Variants in ZBTB49 observed in about 807,000 individuals in gnomAD.
The protein encoded by ZBTB49 is zinc finger and BTB domain-containing protein 49.
A neutral mutation model predicts 57.5 loss-of-function variants in ZBTB49; 43 were observed. The observed-to-expected ratio is 0.75, with a 90% CI of 0.59 to 0.97. The LOEUF (loss-of-function observed/expected upper bound fraction) is 0.97. Among genes scored for constraint, ZBTB49 ranks in the 50% least tolerant of loss-of-function variants. The probability of loss-of-function intolerance (pLI) is 0.00; values close to 1 mark genes in which losing one functional copy is unlikely to be tolerated. For synonymous variants in ZBTB49, 369 were observed against 362.1 expected (o/e 1.02, Z -0.22); for missense variants, 938 against 947.7 (o/e 0.99, Z 0.13).
chr4:4,302,447 A>G lies in ZBTB49; in HGVS notation c.611A>G (p.Glu204Gly). 9 of 1,614,238 alleles carry G rather than the reference A, an allele frequency of 5.6e-6. No homozygotes were observed. Among genetic ancestry groups the G allele is most frequent in the Non-Finnish European group, 7.6e-6 (9 of 1,180,040 alleles). ...GATACTTCAGATGGCAGCTGCACAG[A>G]ACTGCCTTTCAAACAGCCAAATTAC... ...APDTSDGSCT[E>G]LPFKQPNYYY... The change falls in exon 3 of 8, where the codon GAA (glutamate) becomes GGA (glycine). Residue 204 changes from glutamate (E) to glycine (G), a missense_variant. By Grantham distance (98) the Glu-to-Gly change is moderately conservative. Coordinates refer to ENST00000337872, the MANE Select transcript of ZBTB49 (RefSeq NM_145291.4).
rs191051121 is a variant in ZBTB49, at chr4:4,309,997, A to G, written c.1303-3044A>G. On this transcript the variant is annotated intron_variant, in intron 4 of 7. Transcript: ENST00000337872. ...AATATCTGGGATCTCTTTTATCTCT[A>G]AATGATTACGATTCCTGACTTTTTT... 8.5e-5 allele frequency among the ~76,000 whole-genome samples: 13 copies of G among 152,334 alleles called. No individual in the cohort carries two copies. In the East Asian group the frequency reaches 1.5e-3, roughly 18 times the overall value.
At position 4,320,357 on chromosome 4, in the gene ZBTB49, CT is replaced by C. The variant is rs1721355427; in HGVS notation, c.1622-282del. Among the ~76,000 whole-genome samples, 5 of 152,262 alleles carry C rather than the reference CT, an allele frequency of 3.3e-5. No individual in the cohort carries two copies. The South Asian group carries it at 1.0e-3, about 32-fold the overall frequency. On this transcript the variant is annotated intron_variant, in intron 7 of 7. Transcript: ENST00000337872. ...TGAGCAGAAGCTGTGAGGTGACCCCCTCTCCTCAGATCAGGGTTGTTCAGTG... is the reference window on the plus strand; with the variant it reads ...TGAGCAGAAGCTGTGAGGTGACCCCCCTCCTCAGATCAGGGTTGTTCAGTG...
At chr4:4,311,749 G>A (rs1356871269) in intron 4 of ZBTB49, among the ~76,000 whole-genome samples, 1 of 152,142 alleles carries the variant, frequency 6.6e-6, no homozygotes, top group African/African-American at 2.4e-5. Context: ...GTTATTAGGA[G>A]CCATTCTATT....
intron 7 of ZBTB49, among the ~76,000 whole-genome samples, chr4:4,317,933 C>T (rs1041767744): frequency 2.0e-5 from 3 of 152,274 alleles, no homozygotes; most frequent in South Asian, 2.1e-4. Flanking sequence ...AGGGAGGCTT[C>T]GTTGGGGTTT....
At chr4:4,310,421 T>A (rs559929235) in intron 4 of ZBTB49, among the ~76,000 whole-genome samples, 40 of 152,254 alleles carry the variant, frequency 2.6e-4, no homozygotes, top group African/African-American at 8.4e-4. Flanking sequence ...TTGTGATGAC[T>A]AAGTTAAATA....
chr4:4,320,600 C>A (rs750144007), intron 7 of ZBTB49, 40 bp from the exon 8 acceptor site: 4 of 1,610,262 alleles, frequency 2.5e-6, no homozygotes, highest in Admixed American at 1.7e-5. Context: ...CATAGTGAGA[C>A]CCTGTTTAAG....
intron 4 of ZBTB49, among the ~76,000 whole-genome samples, chr4:4,311,836 G>A (rs1720992411): frequency 6.6e-6 from 1 of 152,108 alleles, no homozygotes; most frequent in South Asian, 2.1e-4. Context: ...TTTTTTCGAA[G>A]CCACATTTAT....
intron 1 of ZBTB49, among the ~76,000 whole-genome samples, chr4:4,296,946 G>A (rs931964763): frequency 2.6e-5 from 4 of 152,182 alleles, no homozygotes; most frequent in Non-Finnish European, 5.9e-5. Context: ...GAAGGAGGAG[G>A]CATGTTTCAT....
chr4:4,312,064 G>A (rs1255899980), intron 4 of ZBTB49, among the ~76,000 whole-genome samples: 1 of 152,150 alleles, frequency 6.6e-6, no homozygotes, highest in Non-Finnish European at 1.5e-5. Flanking sequence ...AGCCCCGTGT[G>A]TTAGTTGGCT....
intron 4 of ZBTB49, among the ~76,000 whole-genome samples, chr4:4,311,646 A>G (rs1044628542): frequency 1.3e-5 from 2 of 152,214 alleles, no homozygotes; most frequent in East Asian, 1.9e-4. Flanking sequence ...ATCTGAATAC[A>G]GTGTTAGTTG....
intron 3 of ZBTB49, 58 bp from the exon 4 acceptor site, chr4:4,306,076 CAAAA>C: frequency 6.6e-7 from 1 of 1,525,132 alleles, no homozygotes; most frequent in Admixed American, 1.8e-5. Context: ...GTCATTTAAA[CAAAA>C]AATTATTGAA....
intron 4 of ZBTB49, among the ~76,000 whole-genome samples, chr4:4,312,808 G>A (rs1162666348): frequency 1.3e-5 from 2 of 152,166 alleles, no homozygotes; most frequent in African/African-American, 2.4e-5. Flanking sequence ...CACAGCCAAG[G>A]GCTCACATGG....
At chr4:4,316,081 GT>G (rs1393523677) in intron 7 of ZBTB49, 111 bp downstream of exon 7, 2 of 1,388,788 alleles carry the variant, frequency 1.4e-6, no homozygotes, top group Non-Finnish European at 2.0e-6. Context: ...GTTTCCTCCT[GT>G]TTTTTTATTG....
chr4:4,314,652 G>A (rs1422622923), intron 5 of ZBTB49, among the ~76,000 whole-genome samples: 9 of 152,226 alleles, frequency 5.9e-5, no homozygotes, highest in East Asian at 3.8e-4. Flanking sequence ...GATTACAGAC[G>A]TGAGCCACCG....
chr4:4,315,552 A>G (rs1721154807), intron 5 of ZBTB49, 84 bp from the exon 6 acceptor site: 13 of 1,347,450 alleles, frequency 9.6e-6, no homozygotes, highest in South Asian at 1.3e-5. Flanking sequence ...AGGAGCAGGT[A>G]TCTCCTCCCT....
chr4:4,310,484 C>T (rs1201188136), intron 4 of ZBTB49, among the ~76,000 whole-genome samples: 1 of 151,488 alleles, frequency 6.6e-6, no homozygotes, highest in Non-Finnish European at 1.5e-5. Flanking sequence ...TCTTAATAAA[C>T]GAGAGCTATT....
chr4:4,306,278 A>G (rs1383895837), intron 4 of ZBTB49, 94 bp downstream of exon 4: 5 of 1,054,724 alleles, frequency 4.7e-6, no homozygotes, highest in Non-Finnish European at 5.8e-6. Context: ...TTGTGAGAGA[A>G]GCCTCTAATG....
intron 4 of ZBTB49, among the ~76,000 whole-genome samples, chr4:4,312,086 T>A (rs1293712539): frequency 6.6e-6 from 1 of 152,264 alleles, no homozygotes; most frequent in Non-Finnish European, 1.5e-5. Flanking sequence ...GTATTCATTC[T>A]CGTTTTTCAC....
chr4:4,315,469 A>G (rs190346416), intron 5 of ZBTB49, among the ~76,000 whole-genome samples, 167 bp from the exon 6 acceptor site: 1 of 150,204 alleles, frequency 6.7e-6, no homozygotes, highest in African/African-American at 2.5e-5. Flanking sequence ...TCTTAAAAAA[A>G]TAGAAAAGGG....
Sources: allele counts gnomAD v4.1 joint callset (sites outside exome capture counted in the v4.1 genomes callset), GRCh38; gene constraint gnomAD v4.1.1; transcripts MANE v1.5; gene names NCBI Gene and HGNC (gene_info 2026-07-23, HGNC 2026-07-21).